GALNT10: variants seen among roughly 807,000 people sequenced by gnomAD.
The protein encoded by GALNT10 is GalNAc transferase 10.
Under a neutral mutation model 75.0 loss-of-function variants are expected in GALNT10, and 41 were observed. That is an observed-to-expected ratio of 0.55 (90% CI 0.43 to 0.71). The LOEUF is 0.71. Among genes scored for constraint, GALNT10 ranks in the 30% least tolerant of loss-of-function variants. GALNT10 has a pLI of 0.00. For missense variants in GALNT10, 727 were observed against 818.5 expected, an observed-to-expected ratio of 0.89 and a Z score of 1.36; for synonymous variants, 302 against 313.0, an observed-to-expected ratio of 0.96 and a Z score of 0.37.
chr5:154,245,537 C>CTT (rs36050515), intron 1 of GALNT10, among the ~76,000 whole-genome samples: 13 of 147,560 alleles, frequency 8.8e-5, no homozygotes, highest in South Asian at 2.1e-4. Flanking sequence ...CGAGCTCTGG[C>CTT]TTTTTTTTTT....
chr5:154,393,809 C>T (rs1166675637), intron 7 of GALNT10, among the ~76,000 whole-genome samples: 1 of 152,086 alleles, frequency 6.6e-6, no homozygotes, highest in South Asian at 2.1e-4. Flanking sequence ...TGACACTGCA[C>T]TCCAGCCTGG....
At chr5:154,307,637 GAAAT>G (rs1439011380) in intron 3 of GALNT10, among the ~76,000 whole-genome samples, 1 of 130,458 alleles carries the variant, frequency 7.7e-6, no homozygotes, top group African/African-American at 2.9e-5. Context: ...AAAAAAAAAA[GAAAT>G]AATTCTATAC....
chr5:154,313,830 C>G (rs1438353743), intron 3 of GALNT10, among the ~76,000 whole-genome samples: 1 of 152,090 alleles, frequency 6.6e-6, no homozygotes, highest in Non-Finnish European at 1.5e-5. Context: ...AAGTCTGCAG[C>G]TCGAGGGAGG....
At chr5:154,293,594 G>GATATATATATATATATATAT (rs754824803) in intron 1 of GALNT10, among the ~76,000 whole-genome samples, 1 of 140,670 alleles carries the variant, frequency 7.1e-6, no homozygotes, top group African/African-American at 2.9e-5. Context: ...TCTTGGGGCT[G>GATATATATATATATATATAT]ATATATATAT....
intron 1 of GALNT10, among the ~76,000 whole-genome samples, chr5:154,195,804 C>G (rs1184806647): frequency 1.3e-5 from 2 of 152,204 alleles, no homozygotes. Context: ...AGATTATCAC[C>G]CCAAATTTTG....
chr5:154,260,090 T>G (rs1303064888), intron 1 of GALNT10, among the ~76,000 whole-genome samples: 1 of 152,198 alleles, frequency 6.6e-6, no homozygotes, highest in African/African-American at 2.4e-5. Context: ...TTTTGTTTGT[T>G]TTTTGTTTGT....
intron 3 of GALNT10, among the ~76,000 whole-genome samples, chr5:154,300,393 T>C (rs1754342121): frequency 6.6e-6 from 1 of 152,198 alleles, no homozygotes; most frequent in Non-Finnish European, 1.5e-5. Context: ...TGGCTGCACC[T>C]GGATGGTTTT....
chr5:154,318,318 C>G (rs1054368729), intron 3 of GALNT10, among the ~76,000 whole-genome samples: 1 of 152,208 alleles, frequency 6.6e-6, no homozygotes, highest in Non-Finnish European at 1.5e-5. Context: ...TGTTGCATGG[C>G]AGAGCAAAGG....
At chr5:154,259,147 C>T (rs769168267) in intron 1 of GALNT10, among the ~76,000 whole-genome samples, 3 of 152,120 alleles carry the variant, frequency 2.0e-5, no homozygotes, top group Middle Eastern at 3.2e-3. Flanking sequence ...CACATTCAAC[C>T]CATTACATTT....
At chr5:154,310,615 A>C (rs1435481459) in intron 3 of GALNT10, among the ~76,000 whole-genome samples, 1 of 151,740 alleles carries the variant, frequency 6.6e-6, no homozygotes, top group Non-Finnish European at 1.5e-5. Context: ...TTACAGGCGC[A>C]TACCACCCAC....
chr5:154,330,652 TG>T (rs1198090077), intron 4 of GALNT10, among the ~76,000 whole-genome samples: 7 of 152,302 alleles, frequency 4.6e-5, no homozygotes, highest in African/African-American at 1.7e-4. Flanking sequence ...AAGAGGAAAT[TG>T]CCCTTCAGCC....
intron 1 of GALNT10, among the ~76,000 whole-genome samples, chr5:154,215,233 A>G (rs1330268148): frequency 2.0e-5 from 3 of 152,230 alleles, no homozygotes; most frequent in Non-Finnish European, 4.4e-5. Flanking sequence ...CTGTAATCCC[A>G]GCACTTTGGG....
intron 3 of GALNT10, among the ~76,000 whole-genome samples, chr5:154,315,518 A>G (rs1006532754): frequency 9.2e-5 from 14 of 152,218 alleles, no homozygotes; most frequent in African/African-American, 2.9e-4. Context: ...TGCTCCCCTC[A>G]TTAGCTCTGT....
At chr5:154,285,192 A>C (rs1379483913) in intron 1 of GALNT10, among the ~76,000 whole-genome samples, 3 of 152,122 alleles carry the variant, frequency 2.0e-5, no homozygotes, top group Non-Finnish European at 4.4e-5. Flanking sequence ...GAGCGCTCAC[A>C]CTTCCAGGGG....
intron 1 of GALNT10, among the ~76,000 whole-genome samples, chr5:154,292,179 G>A (rs1754203394): frequency 6.6e-6 from 1 of 152,204 alleles, no homozygotes; most frequent in African/African-American, 2.4e-5. Flanking sequence ...AGATCAGGTA[G>A]GATTATCATC....
chr5:154,273,535 C>G (rs1169055926), intron 1 of GALNT10, among the ~76,000 whole-genome samples: 1 of 152,066 alleles, frequency 6.6e-6, no homozygotes, highest in Non-Finnish European at 1.5e-5. Flanking sequence ...CAGTAAATAG[C>G]CCTGAGCCTG....
chr5:154,337,446 G>A (rs1351877865), intron 4 of GALNT10: 10 of 676,500 alleles, frequency 1.5e-5, no homozygotes. Flanking sequence ...CTCCTGCTAA[G>A]CTTTGTTTTC....
chr5:154,294,024 T>C (rs1754237730), intron 1 of GALNT10, among the ~76,000 whole-genome samples: 1 of 152,108 alleles, frequency 6.6e-6, no homozygotes, highest in Non-Finnish European at 1.5e-5. Context: ...AAATACACAC[T>C]GGATTTCAAA....
chr5:154,194,051 A>G (rs930991048), intron 1 of GALNT10, among the ~76,000 whole-genome samples: 6 of 152,190 alleles, frequency 3.9e-5, no homozygotes, highest in Non-Finnish European at 7.3e-5. Flanking sequence ...GTTTAATTCA[A>G]CAGTCTGTTT....
Sources: allele counts gnomAD v4.1 joint callset (sites outside exome capture counted in the v4.1 genomes callset), GRCh38; gene constraint gnomAD v4.1.1; transcripts MANE v1.5; gene names NCBI Gene and HGNC (gene_info 2026-07-23, HGNC 2026-07-21).